The following SMIM14 variants were observed in gnomAD, a reference collection of about 807,000 sequenced individuals.
SMIM14 encodes the protein chromosome 4 open reading frame 34.
Under a neutral mutation model 12.6 loss-of-function variants are expected in SMIM14, and 5 were observed. That is an observed-to-expected ratio of 0.40 (90% confidence interval 0.21 to 0.83). The LOEUF (loss-of-function observed/expected upper bound fraction) is 0.83, where lower values mean the gene tolerates loss of function less well. SMIM14 is among the 40% of genes least tolerant of loss of function. SMIM14 has a pLI of 0.37. For missense variants in SMIM14, 86 were observed against 119.1 expected, an observed-to-expected ratio of 0.72 and a Z score of 1.29; for synonymous variants, 30 against 40.1, an observed-to-expected ratio of 0.75 and a Z score of 0.95.
intron 3 of SMIM14, among the ~76,000 whole-genome samples, chr4:39,566,620 G>A (rs1475582981): frequency 6.6e-6 from 1 of 151,478 alleles, no homozygotes; most frequent in Non-Finnish European, 1.5e-5. Context: ...ATCACCTGAG[G>A]TCAGGAGTTC....
intron 2 of SMIM14, among the ~76,000 whole-genome samples, chr4:39,581,564 G>A (rs915302001): frequency 7.5e-5 from 10 of 133,986 alleles, no homozygotes; most frequent in African/African-American, 2.8e-4. Flanking sequence ...CACCCAGGCT[G>A]GAGTGCAGTG....
At chr4:39,609,181 C>A (rs959223434) in intron 1 of SMIM14, among the ~76,000 whole-genome samples, 2 of 152,058 alleles carry the variant, frequency 1.3e-5, no homozygotes, top group South Asian at 4.2e-4. Context: ...AGTGTTTCAC[C>A]ATGTTAGCCA....
chr4:39,589,007 G>C (rs1466212831), intron 2 of SMIM14, among the ~76,000 whole-genome samples: 1 of 152,116 alleles, frequency 6.6e-6, no homozygotes, highest in Non-Finnish European at 1.5e-5. Flanking sequence ...ACAATTTACA[G>C]GGCATTCAGG....
chr4:39,554,678 T>A (rs1711911972), intron 4 of SMIM14, among the ~76,000 whole-genome samples: 1 of 139,372 alleles, frequency 7.2e-6, no homozygotes, highest in African/African-American at 2.6e-5. Context: ...TTTTTTTTGA[T>A]GCTCTATTAC....
intron 2 of SMIM14, among the ~76,000 whole-genome samples, chr4:39,587,390 G>C (rs144889050): frequency 6.7e-6 from 1 of 150,288 alleles, no homozygotes; most frequent in African/African-American, 2.5e-5. Flanking sequence ...CCAGCTACTC[G>C]GGAGGCTGAG....
At chr4:39,617,014 T>C (rs1388467312) in intron 1 of SMIM14, among the ~76,000 whole-genome samples, 1 of 152,188 alleles carries the variant, frequency 6.6e-6, no homozygotes, top group Non-Finnish European at 1.5e-5. Flanking sequence ...TACCGGTTAT[T>C]GTTAAGATGA....
chr4:39,578,901 C>T (rs1269605081), intron 2 of SMIM14, among the ~76,000 whole-genome samples: 1 of 149,602 alleles, frequency 6.7e-6, no homozygotes, highest in Non-Finnish European at 1.5e-5. Flanking sequence ...GAGGCTGAGG[C>T]AGCAGAATCG....
intron 2 of SMIM14, among the ~76,000 whole-genome samples, chr4:39,582,538 G>A (rs1713565702): frequency 6.6e-6 from 1 of 151,570 alleles, no homozygotes; most frequent in Non-Finnish European, 1.5e-5. Context: ...GTGGTGCACG[G>A]CTGTAATCCC....
intron 3 of SMIM14, among the ~76,000 whole-genome samples, chr4:39,560,102 A>G (rs1712226456): frequency 6.6e-6 from 1 of 151,956 alleles, no homozygotes; most frequent in African/African-American, 2.4e-5. Context: ...AGCCTGGGCA[A>G]CAGAGCCAGA....
chr4:39,579,792 C>T (rs763825613), intron 2 of SMIM14, among the ~76,000 whole-genome samples: 13 of 141,692 alleles, frequency 9.2e-5, no homozygotes, highest in Non-Finnish European at 1.4e-4. Flanking sequence ...TGCAGTGAGC[C>T]GAGACCATGC....
At chr4:39,565,086 C>A (rs1031950258) in intron 3 of SMIM14, among the ~76,000 whole-genome samples, 1 of 152,112 alleles carries the variant, frequency 6.6e-6, no homozygotes, top group Non-Finnish European at 1.5e-5. Flanking sequence ...AGTGTGGTGG[C>A]ACACACCTGT....
At chr4:39,610,459 T>A (rs1375759760) in intron 1 of SMIM14, among the ~76,000 whole-genome samples, 2 of 151,954 alleles carry the variant, frequency 1.3e-5, no homozygotes, top group Non-Finnish European at 2.9e-5. Context: ...TCTTTTTTTT[T>A]AAAGTAAACT....
chr4:39,628,677 G>A (rs1029782213), intron 1 of SMIM14, among the ~76,000 whole-genome samples: 48 of 98,686 alleles, frequency 4.9e-4, no homozygotes, highest in African/African-American at 9.7e-4. Context: ...GCGAGACTCC[G>A]TCTCAAACAA....
chr4:39,571,799 G>A (rs1203090579), intron 3 of SMIM14, among the ~76,000 whole-genome samples: 1 of 151,696 alleles, frequency 6.6e-6, no homozygotes, highest in Non-Finnish European at 1.5e-5. Context: ...TATTCTGGAA[G>A]TTCTTCTATT....
Position 39,547,045 on chromosome 4 carries a change from A to C in SMIM14, c.*5081T>G, listed in dbSNP as rs530096267. 2 of 152,312 alleles carry C rather than the reference A, an allele frequency of 1.3e-5. No homozygotes were observed. The highest frequency in any genetic ancestry group is 2.9e-5 in the Non-Finnish European group (2 of 68,022). The allele number at this position is 152,312 out of a possible 1,614,324, so 9.4% of individuals were successfully genotyped here. A position where few individuals can be genotyped will look rare whatever the true frequency, so the allele number is the denominator to read the frequency against. ...TTTACCTGGTATTCTAGGAAGAGAG[A>C]GAGAAAGAAAATAACCAAAGAAATG... On this transcript the variant is annotated 3_prime_UTR_variant, in exon 5 of 5. Coordinates refer to ENST00000295958, the MANE Select transcript of SMIM14 (RefSeq NM_174921.3).
Position 39,560,669 on chromosome 4 carries a change from A to T in SMIM14, c.125-4099T>A, listed in dbSNP as rs185895597. Among the ~76,000 whole-genome samples the T allele has an allele frequency of 1.6e-4, 25 of 152,070 alleles. 1 individual carries two copies. Among genetic ancestry groups the T allele is most frequent in the Admixed American group, 5.2e-4 (8 of 15,248 alleles). On this transcript the variant is annotated intron_variant, in intron 3 of 4. Transcript: ENST00000295958. Reference sequence around the variant, plus strand: ...CAAACAAAACAAAACAAAATGCAGAAATCCCACCTTCCACTTAACATATTC... The same window carrying T: ...CAAACAAAACAAAACAAAATGCAGATATCCCACCTTCCACTTAACATATTC...
intron 1 of SMIM14, among the ~76,000 whole-genome samples, chr4:39,628,680 T>TCAAAAAAACAAA (rs746724868): frequency 1.1e-5 from 1 of 87,028 alleles, no homozygotes; most frequent in African/African-American, 3.3e-5. Flanking sequence ...AGACTCCGTC[T>TCAAAAAAACAAA]CAAACAAACA....
intron 2 of SMIM14, among the ~76,000 whole-genome samples, chr4:39,576,783 C>G (rs2110015331): frequency 7.2e-6 from 1 of 138,504 alleles, no homozygotes; most frequent in East Asian, 2.3e-4. Context: ...ACAATCTCAG[C>G]TCATGGCAAC....
chr4:39,591,200 A>G (rs1714061261), intron 2 of SMIM14, among the ~76,000 whole-genome samples: 1 of 152,032 alleles, frequency 6.6e-6, no homozygotes, highest in Non-Finnish European at 1.5e-5. Context: ...TATTATTTGT[A>G]TTATTATTTT....
Sources: allele counts gnomAD v4.1 joint callset (sites outside exome capture counted in the v4.1 genomes callset), GRCh38; gene constraint gnomAD v4.1.1; transcripts MANE v1.5; gene names NCBI Gene and HGNC (gene_info 2026-07-23, HGNC 2026-07-21).